B4GALT1: variants seen among roughly 807,000 people sequenced by gnomAD.
B4GALT1 encodes the protein N-acetyllactosamine synthase.
B4GALT1 carries 16 observed loss-of-function variants against 34.9 expected under a neutral mutation model. The observed-to-expected ratio is 0.46, with a 90% CI of 0.31 to 0.70. B4GALT1 has a LOEUF of 0.70. Ranked by LOEUF, B4GALT1 falls within the 30% of genes least tolerant of loss-of-function variation. The pLI is 0.05. For missense variants in B4GALT1, 445 were observed against 530.5 expected (o/e 0.84, Z 1.58); for synonymous variants, 221 against 218.1 (o/e 1.01, Z -0.12).
At chr9:33,110,119 A>G (rs1839836791), downstream of B4GALT1, among the ~76,000 whole-genome samples, 1 of 152,260 alleles carries the variant, frequency 6.6e-6, no homozygotes, top group South Asian at 2.1e-4. Flanking sequence ...GCCCTTCTTC[A>G]GGAGTGCCAA....
chr9:33,117,997 G>A (rs1839964649), intron 3 of B4GALT1, among the ~76,000 whole-genome samples: 1 of 152,212 alleles, frequency 6.6e-6, no homozygotes, highest in South Asian at 2.1e-4. Flanking sequence ...AAACCTGCCA[G>A]GCTCCTTGTG....
chr9:33,117,803 A>G (rs1269792943), intron 3 of B4GALT1, among the ~76,000 whole-genome samples: 1 of 152,178 alleles, frequency 6.6e-6, no homozygotes, highest in Non-Finnish European at 1.5e-5. Context: ...CACACCTCAT[A>G]CTACTGTCCA....
chr9:33,141,087 G>C (rs1321630445), intron 1 of B4GALT1, among the ~76,000 whole-genome samples: 1 of 152,198 alleles, frequency 6.6e-6, no homozygotes, highest in Non-Finnish European at 1.5e-5. Context: ...CTTCCCCTAA[G>C]CATTCACAGC....
intron 2 of B4GALT1, among the ~76,000 whole-genome samples, chr9:33,131,580 G>A (rs1410437095): frequency 6.6e-6 from 1 of 152,196 alleles, no homozygotes; most frequent in Non-Finnish European, 1.5e-5. Context: ...AATGGTATGT[G>A]TGTGTGTGTA....
rs181366373 is a variant in B4GALT1 at position 33,120,269 on chromosome 9, C to G, written c.836+150G>C. On this transcript the variant is annotated intron_variant, in intron 3 of 5. Transcript: ENST00000379731. ...TACAGGCATTTCTGGTCTCTTCTTT[C>G]CATCTCAACTAATACAAAGCACCCA... The G allele has an allele frequency of 1.5e-4, 129 of 835,540 alleles. 1 individual carries two copies. In the African/African-American group the frequency reaches 1.9e-3, roughly 12 times the overall value. 51.8% of individuals were successfully genotyped at this position (835,540 alleles called of 1,614,324 possible).
At chr9:33,109,816 T>C (rs1839833507), downstream of B4GALT1, among the ~76,000 whole-genome samples, 3 of 151,896 alleles carry the variant, frequency 2.0e-5, no homozygotes, top group Admixed American at 2.0e-4. Context: ...AGAAAACTGC[T>C]TGTTGGTGGG....
At chr9:33,125,612 C>T (rs770163707) in intron 2 of B4GALT1, among the ~76,000 whole-genome samples, 4 of 152,104 alleles carry the variant, frequency 2.6e-5, no homozygotes, top group Non-Finnish European at 2.9e-5. Context: ...CCACCTGCTC[C>T]CTGTGTATGT....
At chr9:33,164,396 C>T (rs1277885270) in intron 1 of B4GALT1, among the ~76,000 whole-genome samples, 1 of 152,170 alleles carries the variant, frequency 6.6e-6, no homozygotes, top group African/African-American at 2.4e-5. Context: ...TGTACCTAAC[C>T]ACCCAAACCT....
intron 1 of B4GALT1, among the ~76,000 whole-genome samples, chr9:33,146,185 G>A (rs936178228): frequency 1.3e-5 from 2 of 152,160 alleles, no homozygotes; most frequent in African/African-American, 4.8e-5. Context: ...GCTTTCTTTG[G>A]TCCTCACTCA....
chr9:33,146,378 G>C (rs182546103), intron 1 of B4GALT1, among the ~76,000 whole-genome samples: 12 of 152,324 alleles, frequency 7.9e-5, no homozygotes, highest in African/African-American at 2.9e-4. Flanking sequence ...CTTCCAGAAG[G>C]GATGATTTCA....
intron 1 of B4GALT1, 60 bp from the exon 2 acceptor site, chr9:33,135,484 GCTGC>G: frequency 6.6e-7 from 1 of 1,516,294 alleles, no homozygotes; most frequent in Non-Finnish European, 9.1e-7. Context: ...CGCTCCACAG[GCTGC>G]ATCAGATGGC....
In B4GALT1 at chr9:33,120,633, T is replaced by A; in HGVS notation, c.649-27A>T. 2.5e-6 allele frequency: 4 copies of A among 1,612,430 alleles called. No individual in the cohort carries two copies. In the African/African-American group the frequency reaches 5.3e-5, roughly 22 times the overall value. The stretch of plus-strand genomic sequence containing the variant: ...TGGTGCAGAAACAAAAACAGTGATA[T>A]CAAATGCCTTAAAGCCTTTGGGCCA... On this transcript the variant is annotated intron_variant, in intron 2 of 5. Transcript: ENST00000379731.
intron 1 of B4GALT1, among the ~76,000 whole-genome samples, chr9:33,162,111 T>A (rs961097342): frequency 1.3e-5 from 2 of 152,178 alleles, no homozygotes; most frequent in Non-Finnish European, 2.9e-5. Flanking sequence ...CCAAAGACCA[T>A]AATACCCAGT....
chr9:33,158,278 C>T (rs1481742782), intron 1 of B4GALT1, among the ~76,000 whole-genome samples: 1 of 152,136 alleles, frequency 6.6e-6, no homozygotes, highest in African/African-American at 2.4e-5. Context: ...AGAATAAAGA[C>T]CAGGGCTCGG....
chr9:33,150,239 C>CACAT (rs1470352000), intron 1 of B4GALT1, among the ~76,000 whole-genome samples: 1 of 142,238 alleles, frequency 7.0e-6, no homozygotes, highest in Non-Finnish European at 1.5e-5. Flanking sequence ...TAGATACACA[C>CACAT]ACACACACAC....
intron 1 of B4GALT1, among the ~76,000 whole-genome samples, chr9:33,137,789 CAA>C (rs746682544): frequency 6.6e-6 from 1 of 152,138 alleles, no homozygotes; most frequent in African/African-American, 2.4e-5. Flanking sequence ...GGCTTTCGGG[CAA>C]AGAGGGCCCT....
chr9:33,179,763 G>T, the B4GALT1 span: 1 of 152,230 alleles, frequency 6.6e-6, no homozygotes, highest in East Asian at 1.9e-4. Context: ...AATGTTCTGA[G>T]AATATTTGAG....
intron 1 of B4GALT1, among the ~76,000 whole-genome samples, chr9:33,163,104 G>A (rs967943921): frequency 2.6e-5 from 4 of 152,160 alleles, no homozygotes; most frequent in Admixed American, 1.3e-4. Context: ...AAGGGCGAGA[G>A]AGAGTCCTTT....
At chr9:33,159,237 T>A (rs1840641229) in intron 1 of B4GALT1, among the ~76,000 whole-genome samples, 1 of 152,184 alleles carries the variant, frequency 6.6e-6, no homozygotes, top group African/African-American at 2.4e-5. Flanking sequence ...GAAGAAACTT[T>A]GAAAGAAAAA....
Sources: gnomAD v4.1 joint callset for allele counts (sites outside exome capture counted in the v4.1 genomes callset) on GRCh38, gnomAD v4.1.1 for gene constraint, MANE v1.5 for transcripts, NCBI Gene and HGNC (gene_info 2026-07-23, HGNC 2026-07-21) for gene names.